Variants in CHAT observed in about 807,000 individuals in gnomAD.
CHAT encodes the protein choline O-acetyltransferase.
CHAT carries 61 observed loss-of-function variants against 76.9 expected under a neutral mutation model. The observed-to-expected ratio is 0.79, with a 90% confidence interval of 0.65 to 0.98. The LOEUF (loss-of-function observed/expected upper bound fraction) is 0.98, where lower values mean the gene tolerates loss of function less well. CHAT is among the 50% of genes least tolerant of loss of function. The pLI, the probability that CHAT is intolerant of heterozygous loss-of-function variation, is 0.00. For synonymous variants in CHAT, 407 were observed against 397.4 expected, an observed-to-expected ratio of 1.02 and a Z score of -0.29; for missense variants, 946 against 986.9, an observed-to-expected ratio of 0.96 and a Z score of 0.56.
intron 13 of CHAT, among the ~76,000 whole-genome samples, chr10:49,660,137 G>A (rs137995641): frequency 0.011 from 1,621 of 152,170 alleles, 16 homozygotes; most frequent in Non-Finnish European, 0.017. Flanking sequence ...TGGGGGAGCA[G>A]GGTCATAAAA....
At chr10:49,628,747 C>T (rs1481959271) in intron 7 of CHAT, among the ~76,000 whole-genome samples, 1 of 152,230 alleles carries the variant, frequency 6.6e-6, no homozygotes, top group African/African-American at 2.4e-5. Context: ...GAACAAAGCC[C>T]CATGGCATGA....
chr10:49,643,861 C>T, intron 7 of CHAT, among the ~76,000 whole-genome samples: 1 of 152,204 alleles, frequency 6.6e-6, no homozygotes, highest in Middle Eastern at 3.2e-3. Flanking sequence ...TCAGGAGGCC[C>T]AGGCCCCACC....
chr10:49,652,183 C>G lies in CHAT; in HGVS notation c.1634+177C>G, dbSNP rs10857521. Among the ~76,000 whole-genome samples, 41,315 of 152,006 alleles carry G rather than the reference C, an allele frequency of 0.27. 5,721 individuals carry two copies. Among genetic ancestry groups the G allele is most frequent in the East Asian group, 0.43 (2,226 of 5,176 alleles). On this transcript the variant is annotated intron_variant, in intron 11 of 14. Transcript: ENST00000337653. ...CTGAACTGGGTTACAAATCCAACCT[C>G]AGAACAAGAAGGATGTGCCATCAGG... is the stretch of plus-strand genomic sequence containing the variant.
At chr10:49,653,806 G>A (rs1839952732) in intron 11 of CHAT, among the ~76,000 whole-genome samples, 1 of 152,204 alleles carries the variant, frequency 6.6e-6, no homozygotes, top group African/African-American at 2.4e-5. Context: ...GCCTCGACTG[G>A]GGATGCCACT....
upstream of CHAT, chr10:49,612,303 C>T: frequency 6.2e-7 from 1 of 1,608,608 alleles, no homozygotes. Flanking sequence ...TTGATGCGTG[C>T]GAGGACGACT....
At chr10:49,643,429 T>G (rs1487025920) in intron 7 of CHAT, among the ~76,000 whole-genome samples, 1 of 152,182 alleles carries the variant, frequency 6.6e-6, no homozygotes, top group Non-Finnish European at 1.5e-5. Flanking sequence ...CCTTCTTCTT[T>G]GCTGATCTGA....
intron 7 of CHAT, among the ~76,000 whole-genome samples, chr10:49,639,972 A>C (rs1839426270): frequency 6.6e-6 from 1 of 152,076 alleles, no homozygotes; most frequent in Non-Finnish European, 1.5e-5. Context: ...TGTTGAGTCC[A>C]TCCACTGCGC....
At chr10:49,648,136 G>A in intron 8 of CHAT, 1 of 342,490 alleles carries the variant, frequency 2.9e-6, no homozygotes, top group Non-Finnish European at 5.5e-6. Flanking sequence ...GAGATTGGGA[G>A]GAGACCCCGA....
At chr10:49,613,983 A>G, upstream of CHAT, 1 of 893,592 alleles carries the variant, frequency 1.1e-6, no homozygotes, top group Non-Finnish European at 1.7e-6. Flanking sequence ...TCCAGGATTC[A>G]GCAGCAGCAC....
chr10:49,660,830 G>C (rs975195258), intron 13 of CHAT, among the ~76,000 whole-genome samples: 5 of 152,184 alleles, frequency 3.3e-5, no homozygotes, highest in African/African-American at 1.2e-4. Context: ...ATGTGAATCT[G>C]GTGTGTGGTT....
At position 49,649,592 on chromosome 10, in the gene CHAT, G is replaced by A. The variant is rs558057516; in HGVS notation, c.1467G>A (p.Pro489=). 55 of 1,613,850 alleles carry A rather than the reference G, an allele frequency of 3.4e-5. 1 individual carries two copies. The highest frequency in any genetic ancestry group is 2.9e-4 in the East Asian group (13 of 44,878). Residue 489 remains proline, a synonymous_variant, in exon 10 of 15, where the codon CCG becomes CCA. Coordinates refer to ENST00000337653, the MANE Select transcript of CHAT (RefSeq NM_020549.5). The stretch of plus-strand genomic sequence containing the variant: ...GGAGGCTGCGGTGGAAATGCTCCCC[G>A]GAAATTCAAGGCCACTTAGCCTCCT... ...APRRLRWKCS[P]EIQGHLASSA... is the part of the protein sequence containing the mutation.
Position 49,655,139 on chromosome 10 carries a change from G to A in CHAT, c.1679G>A (p.Arg560His), listed in dbSNP as rs121912819. Residue 560 changes from arginine (R) to histidine (H), a missense_variant, in exon 12 of 15, where the codon CGC becomes CAC. This residue lies in a region of CHAT where 349 missense variants were observed against 393.9 expected (regional missense o/e 0.89). Transcript: ENST00000337653. Reference sequence around the variant, plus strand: ...CCCACCTACGAGAGCGCGTCCATCCGCCGATTCCAGGAGGGACGCGTGGAC... The same window carrying A: ...CCCACCTACGAGAGCGCGTCCATCCACCGATTCCAGGAGGGACGCGTGGAC... ...LVPTYESASIRRFQEGRVDNI... is the reference protein window; with the variant it reads ...LVPTYESASIHRFQEGRVDNI... The A allele has an allele frequency of 6.6e-5, 106 of 1,613,904 alleles. No individual in the cohort carries two copies. Among genetic ancestry groups the A allele is most frequent in the Non-Finnish European group, 5.6e-5 (66 of 1,180,008 alleles).
At chr10:49,610,588 G>A (rs1838262654), upstream of CHAT, 3 of 655,232 alleles carry the variant, frequency 4.6e-6, no homozygotes, top group Admixed American at 3.7e-5. Flanking sequence ...TTCCCGGGAC[G>A]CTGGGCCATG....
upstream of CHAT, chr10:49,612,326 A>G (rs1319543206): frequency 1.3e-6 from 2 of 1,589,128 alleles, no homozygotes; most frequent in African/African-American, 1.3e-5. Flanking sequence ...AACTACTACT[A>G]CACCCGCAGC....
rs1490764401 is a variant in CHAT at position 49,614,396 on chromosome 10, C to T, written c.207C>T (p.Pro69=). The change falls in exon 1 of 15, where the codon CCC becomes CCT. Residue 69 remains proline (P), a synonymous_variant. Transcript: ENST00000337653. ...CCCGCGCTGCGACACGCCCCCCACC[C>T]CTTCCGGCTCACACCCCCGCCCACA... The part of the protein sequence containing the change: ...PHPRAATRPP[P]LPAHTPAHTP... The T allele has an allele frequency of 7.8e-6, 12 of 1,546,622 alleles. No individual in the cohort carries two copies. The Admixed American group carries it at 2.4e-4, about 30-fold the overall frequency.
chr10:49,616,261 G>C (rs1324619421), intron 1 of CHAT, among the ~76,000 whole-genome samples: 1 of 152,168 alleles, frequency 6.6e-6, no homozygotes, highest in East Asian at 1.9e-4. Context: ...AGACTCATGA[G>C]AGCAGACCCT....
Position 49,625,553 on chromosome 10 carries a change from C to T in CHAT, c.833C>T (p.Ser278Phe), listed in dbSNP as rs1165232739. 6.2e-7 allele frequency: 1 copy of T among 1,612,512 alleles called. No homozygotes were observed. Among genetic ancestry groups the T allele is most frequent in the Non-Finnish European group, 8.5e-7 (1 of 1,179,836 alleles). ...LCMKQYYGLF[S>F]SYRLPGHTQD... ...ATGAAGCAATACTATGGGCTCTTCT[C>T]CTCCTACCGGCTCCCCGGCCATACC... Residue 278 changes from serine to phenylalanine, a missense_variant, in exon 6 of 15, where the codon TCC (serine) becomes TTC (phenylalanine). Around this residue, in one of 3 missense-constraint regions of CHAT, gnomAD observed 548 missense variants for 516.2 expected, o/e 1.06. Coordinates refer to ENST00000337653, the MANE Select transcript of CHAT (RefSeq NM_020549.5).
At chr10:49,652,196 A>G (rs2132821288) in intron 11 of CHAT, among the ~76,000 whole-genome samples, 190 bp downstream of exon 11, 1 of 152,300 alleles carries the variant, frequency 6.6e-6, no homozygotes, top group South Asian at 2.1e-4. Flanking sequence ...AACAAGAAGG[A>G]TGTGCCATCA....
intron 2 of CHAT, 80 bp downstream of exon 2, chr10:49,616,682 A>G: frequency 9.8e-7 from 1 of 1,015,416 alleles, no homozygotes; most frequent in South Asian, 1.4e-5. Context: ...CCTGAGTGGG[A>G]CTGGCCCCCA....
Sources: allele counts gnomAD v4.1 joint callset (sites outside exome capture counted in the v4.1 genomes callset), GRCh38; gene constraint gnomAD v4.1.1; regional missense constraint gnomAD v4.1.1; transcripts MANE v1.5; gene names NCBI Gene and HGNC (gene_info 2026-07-23, HGNC 2026-07-21).